Variants in MYO3B observed in about 807,000 individuals in gnomAD.
The protein encoded by MYO3B is myosin IIIB.
In MYO3B, 156 loss-of-function variants were observed where a neutral mutation model predicts 174.6. The ratio of observed to expected loss-of-function variants is 0.89; its 90% CI spans 0.78 to 1.02. MYO3B has a LOEUF of 1.02. Ranked by LOEUF, MYO3B falls within the 50% of genes least tolerant of loss-of-function variation. The probability of loss-of-function intolerance (pLI) is 0.00; values close to 1 mark genes in which losing one functional copy is unlikely to be tolerated. For missense variants in MYO3B, 1,632 were observed against 1,639.4 expected (o/e 1.00, Z 0.08); for synonymous variants, 563 against 569.1 (o/e 0.99, Z 0.15).
intron 9 of MYO3B, among the ~76,000 whole-genome samples, chr2:170,374,912 A>G (rs780178468): frequency 2.0e-5 from 3 of 152,128 alleles, no homozygotes; most frequent in Non-Finnish European, 4.4e-5. Flanking sequence ...GTATGACATC[A>G]TTGGAATTTA....
At position 170,257,692 on chromosome 2, in the gene MYO3B, C is replaced by T. The variant is rs115066900; in HGVS notation, c.749+21556C>T. Among the ~76,000 whole-genome samples, 512 of 152,044 alleles carry T rather than the reference C, an allele frequency of 3.4e-3. 2 individuals carry two copies. Among genetic ancestry groups the T allele is most frequent in the African/African-American group, 0.012 (485 of 41,520 alleles). ...ACCTAGAGAACTAGAAAAACAAGAA[C>T]GAACCCCAGAGCTAGCAGAAGATAA... On this transcript the variant is annotated intron_variant, in intron 7 of 34. Transcript: ENST00000408978.
At chr2:170,289,513 CA>C (rs761135734) in intron 7 of MYO3B, among the ~76,000 whole-genome samples, 8 of 151,910 alleles carry the variant, frequency 5.3e-5, no homozygotes, top group Non-Finnish European at 1.0e-4. Flanking sequence ...TGTTCATAAC[CA>C]TCTCTGATGA....
intron 32 of MYO3B, among the ~76,000 whole-genome samples, chr2:170,609,318 C>T (rs1694998953): frequency 6.6e-6 from 1 of 152,192 alleles, no homozygotes. Context: ...ACCACACACA[C>T]ACGTACATGT....
rs115649476 is a variant in MYO3B at position 170,475,918 on chromosome 2, C to T, written c.3014+9207C>T. On this transcript the variant is annotated intron_variant, in intron 25 of 34. Transcript: ENST00000408978. ...TTATTTACTGTTTCTTCTGCAAGAG[C>T]ATCTACTTACCATAAATCCTGCCCT... 3.2e-3 allele frequency among the ~76,000 whole-genome samples: 482 copies of T among 152,368 alleles called. 7 individuals are homozygous for T. Among genetic ancestry groups the T allele is most frequent in the Middle Eastern group, 0.014 (4 of 294 alleles).
At chr2:170,399,110 T>C (rs915952909) in intron 16 of MYO3B, among the ~76,000 whole-genome samples, 1 of 151,854 alleles carries the variant, frequency 6.6e-6, no homozygotes, top group Non-Finnish European at 1.5e-5. Flanking sequence ...GGCGTGGTAG[T>C]GCATGTCTGT....
chr2:170,440,220 G>A (rs2094789216), intron 22 of MYO3B, among the ~76,000 whole-genome samples: 2 of 152,116 alleles, frequency 1.3e-5, no homozygotes. Context: ...GGAAATGTGA[G>A]TCCTCCAGCT....
rs1259867005 is a variant in MYO3B at position 170,280,889 on chromosome 2, T to C, written c.749+44753T>C. Reference sequence around the variant, plus strand: ...TTTTGGTTACTGTAGCCCTGTAGTATAGTTTAAAGTTTAGTAATATGATGC... The same window carrying C: ...TTTTGGTTACTGTAGCCCTGTAGTACAGTTTAAAGTTTAGTAATATGATGC... On this transcript the variant is annotated intron_variant, in intron 7 of 34. Transcript: ENST00000408978. 2.0e-5 allele frequency among the ~76,000 whole-genome samples: 3 copies of C among 152,268 alleles called. No individual in the cohort carries two copies. The East Asian group carries it at 5.8e-4, about 29-fold the overall frequency.
intron 8 of MYO3B, among the ~76,000 whole-genome samples, chr2:170,363,456 T>TTTACAGGCATTTTTTGGTTATGAAATGGC (rs1193315655): frequency 6.6e-6 from 1 of 152,048 alleles, no homozygotes; most frequent in African/African-American, 2.4e-5. Context: ...AGGCACAGAG[T>TTTACAGGCATTTTTTGGTTATGAAATGGC]AGCTGTGTCA....
chr2:170,182,249 A>C (rs1461818896), intron 1 of MYO3B, among the ~76,000 whole-genome samples: 1 of 151,682 alleles, frequency 6.6e-6, no homozygotes, highest in Admixed American at 6.6e-5. Flanking sequence ...GTATTTAGCT[A>C]TATTTTTTTA....
At chr2:170,450,926 T>A (rs1683563878) in intron 23 of MYO3B, among the ~76,000 whole-genome samples, 1 of 152,222 alleles carries the variant, frequency 6.6e-6, no homozygotes, top group Admixed American at 6.5e-5. Flanking sequence ...TCCCTTCAAC[T>A]CTTAGCCAAC....
rs749891550 is a variant in MYO3B, at chr2:170,453,453, C to CACGA, written c.2730+9407_2730+9408insACGA. ...ACACACACACACACACACACACACACGAGAGAGAGAGAGAGAAAGAGAGAG... is the reference window on the plus strand; with the variant it reads ...ACACACACACACACACACACACACACACGAGAGAGAGAGAGAGAGAAAGAGAGAG... On this transcript the variant is annotated intron_variant, in intron 23 of 34. Coordinates refer to ENST00000408978, the MANE Select transcript of MYO3B (RefSeq NM_138995.5). Among the ~76,000 whole-genome samples the CACGA allele has an allele frequency of 5.9e-4, 73 of 123,054 alleles. No homozygotes were observed. The East Asian group carries it at 0.012, about 21-fold the overall frequency. 80.7% of individuals were successfully genotyped at this position (123,054 alleles called of 152,430 possible).
At chr2:170,223,081 A>G (rs1559312902) in intron 6 of MYO3B, among the ~76,000 whole-genome samples, 1 of 152,222 alleles carries the variant, frequency 6.6e-6, no homozygotes, top group East Asian at 1.9e-4. Flanking sequence ...GTGGGCGCCC[A>G]ACACCCCCAG....
At chr2:170,231,849 G>A (rs375243857) in intron 6 of MYO3B, among the ~76,000 whole-genome samples, 2 of 152,188 alleles carry the variant, frequency 1.3e-5, no homozygotes, top group African/African-American at 2.4e-5. Context: ...CTTGGAAGTC[G>A]CAAAGTCGTA....
intron 7 of MYO3B, among the ~76,000 whole-genome samples, chr2:170,302,641 A>C (rs1267021034): frequency 6.6e-6 from 1 of 152,202 alleles, no homozygotes; most frequent in African/African-American, 2.4e-5. Context: ...AAGTCTTGCT[A>C]TACCATGGCA....
intron 6 of MYO3B, among the ~76,000 whole-genome samples, chr2:170,220,657 G>T (rs528953224): frequency 2.0e-4 from 30 of 148,516 alleles, no homozygotes; most frequent in Admixed American, 1.2e-3. Flanking sequence ...AAAAAAAATG[G>T]AGTGTTTCTG....
intron 32 of MYO3B, among the ~76,000 whole-genome samples, chr2:170,564,342 A>G (rs76024491): frequency 0.017 from 2,646 of 152,216 alleles, 65 homozygotes; most frequent in East Asian, 0.088. Context: ...GTGTGATGGT[A>G]CATGCCTGTA....
chr2:170,253,431 G>C (rs2093274410), intron 7 of MYO3B, among the ~76,000 whole-genome samples: 1 of 152,188 alleles, frequency 6.6e-6, no homozygotes, highest in Non-Finnish European at 1.5e-5. Flanking sequence ...CGAATCAAGA[G>C]TTCCTTTTCA....
chr2:170,502,489 G>A (rs1450777948), intron 28 of MYO3B, among the ~76,000 whole-genome samples: 2 of 152,214 alleles, frequency 1.3e-5, no homozygotes, highest in South Asian at 4.1e-4. Flanking sequence ...GGCTTTTATG[G>A]CTCGGCTTGC....
At chr2:170,486,472 T>C (rs1686069093) in intron 25 of MYO3B, among the ~76,000 whole-genome samples, 1 of 152,006 alleles carries the variant, frequency 6.6e-6, no homozygotes, top group Non-Finnish European at 1.5e-5. Context: ...GCCTGACTAA[T>C]TTTGTATTTT....
Sources: gnomAD v4.1 joint callset for allele counts (sites outside exome capture counted in the v4.1 genomes callset) on GRCh38, gnomAD v4.1.1 for gene constraint, MANE v1.5 for transcripts, NCBI Gene and HGNC (gene_info 2026-07-23, HGNC 2026-07-21) for gene names.